Variants in ZCCHC7 observed in about 807,000 individuals in gnomAD.
The protein encoded by ZCCHC7 is zinc finger CCHC-type containing 7.
ZCCHC7 carries 35 observed loss-of-function variants against 52.0 expected under a neutral mutation model. That is an observed-to-expected ratio of 0.67 (90% CI 0.51 to 0.89). The LOEUF is 0.89. Ranked by LOEUF, ZCCHC7 falls within the 40% of genes least tolerant of loss-of-function variation. ZCCHC7 has a pLI of 0.00. For missense variants in ZCCHC7, 574 were observed against 649.1 expected (o/e 0.88, Z 1.26); for synonymous variants, 217 against 221.5 (o/e 0.98, Z 0.18).
intron 2 of ZCCHC7, among the ~76,000 whole-genome samples, chr9:37,206,916 A>G (rs1222872423): frequency 6.6e-6 from 1 of 151,840 alleles, no homozygotes; most frequent in Non-Finnish European, 1.5e-5. Context: ...TCTTGAGGCT[A>G]GGAGTTTGAT....
At chr9:37,250,611 T>C (rs1826285407) in intron 2 of ZCCHC7, among the ~76,000 whole-genome samples, 1 of 152,190 alleles carries the variant, frequency 6.6e-6, no homozygotes, top group Non-Finnish European at 1.5e-5. Flanking sequence ...CTCTCTTCTC[T>C]CTCTCTCACT....
At chr9:37,356,363 A>AG (rs768324645) in intron 8 of ZCCHC7, among the ~76,000 whole-genome samples, 1 of 152,238 alleles carries the variant, frequency 6.6e-6, no homozygotes, top group Non-Finnish European at 1.5e-5. Context: ...TCTACCCTGG[A>AG]GGAATAATCT....
intron 5 of ZCCHC7, among the ~76,000 whole-genome samples, chr9:37,323,389 GT>G (rs929828382): frequency 6.6e-5 from 10 of 152,294 alleles, no homozygotes; most frequent in Admixed American, 5.9e-4. Context: ...AAGCTTGTCA[GT>G]TTCCCTGATT....
chr9:37,327,750 A>T (rs201121006), intron 5 of ZCCHC7, 49 bp from the exon 6 acceptor site: 1 of 1,609,944 alleles, frequency 6.2e-7, no homozygotes, highest in African/African-American at 1.3e-5. Context: ...AACAGGCTGT[A>T]AAGTACCTTG....
At chr9:37,162,553 A>C (rs962650549) in intron 2 of ZCCHC7, among the ~76,000 whole-genome samples, 4 of 152,202 alleles carry the variant, frequency 2.6e-5, no homozygotes, top group African/African-American at 9.7e-5. Flanking sequence ...TTCATCCATA[A>C]AGTAGCAAGT....
chr9:37,183,740 A>T (rs1822493045), intron 2 of ZCCHC7, among the ~76,000 whole-genome samples: 1 of 152,224 alleles, frequency 6.6e-6, no homozygotes, highest in Non-Finnish European at 1.5e-5. Context: ...TCCTCCTCAC[A>T]TCAACAACCC....
chr9:37,199,632 C>T (rs1165405313), intron 2 of ZCCHC7, among the ~76,000 whole-genome samples: 1 of 148,262 alleles, frequency 6.7e-6, no homozygotes, highest in Non-Finnish European at 1.5e-5. Context: ...CGTGCCCAGC[C>T]CTACTGTTTC....
chr9:37,321,498 C>T (rs1021323189), intron 5 of ZCCHC7, among the ~76,000 whole-genome samples: 30 of 152,114 alleles, frequency 2.0e-4, no homozygotes, highest in African/African-American at 7.2e-4. Context: ...GGTGCCAAGG[C>T]TTATTCCTAT....
chr9:37,315,642 G>A (rs571764884), intron 5 of ZCCHC7, among the ~76,000 whole-genome samples: 3 of 151,540 alleles, frequency 2.0e-5, no homozygotes, highest in African/African-American at 7.3e-5. Flanking sequence ...GGAAGACATG[G>A]CTCAATTTTT....
At chr9:37,329,368 T>A (rs1484367775) in intron 6 of ZCCHC7, among the ~76,000 whole-genome samples, 1 of 151,808 alleles carries the variant, frequency 6.6e-6, no homozygotes, top group Admixed American at 6.6e-5. Flanking sequence ...AACATAAATT[T>A]TAAAAAGAAT....
intron 2 of ZCCHC7, among the ~76,000 whole-genome samples, chr9:37,273,275 G>T (rs1827516516): frequency 1.3e-5 from 2 of 152,124 alleles, no homozygotes; most frequent in Admixed American, 1.3e-4. Flanking sequence ...AGGCCGAGGT[G>T]GGCAGATCAC....
At chr9:37,262,417 T>G (rs1235896660) in intron 2 of ZCCHC7, among the ~76,000 whole-genome samples, 1 of 152,240 alleles carries the variant, frequency 6.6e-6, no homozygotes, top group Non-Finnish European at 1.5e-5. Flanking sequence ...TCAATAATTT[T>G]TCTTACTAGT....
intron 2 of ZCCHC7, among the ~76,000 whole-genome samples, chr9:37,148,113 T>C (rs1039725567): frequency 2.6e-4 from 40 of 152,272 alleles, no homozygotes; most frequent in African/African-American, 9.4e-4. Context: ...TGTAAGCTTT[T>C]GGTTTTCTGT....
chr9:37,164,568 AGAGAG>A (rs965696719), intron 2 of ZCCHC7, among the ~76,000 whole-genome samples: 3 of 152,006 alleles, frequency 2.0e-5, no homozygotes, highest in Non-Finnish European at 4.4e-5. Context: ...AGAAAAGAAA[AGAGAG>A]AAGAGAAAGA....
intron 2 of ZCCHC7, among the ~76,000 whole-genome samples, chr9:37,129,935 G>A (rs1321038592): frequency 6.6e-6 from 1 of 152,290 alleles, no homozygotes; most frequent in Non-Finnish European, 1.5e-5. Flanking sequence ...GTGACTTACA[G>A]TGGTAAAAGA....
intron 5 of ZCCHC7, among the ~76,000 whole-genome samples, chr9:37,308,570 A>T (rs1261318222): frequency 6.6e-6 from 1 of 152,160 alleles, no homozygotes; most frequent in African/African-American, 2.4e-5. Flanking sequence ...ATGTTAAATT[A>T]TTATCTAAAA....
intron 2 of ZCCHC7, among the ~76,000 whole-genome samples, chr9:37,253,065 A>G (rs1002495783): frequency 6.6e-6 from 1 of 152,150 alleles, no homozygotes; most frequent in Non-Finnish European, 1.5e-5. Flanking sequence ...CCCATAAATA[A>G]GAACATTTGT....
chr9:37,235,931 A>G (rs985554629), intron 2 of ZCCHC7, among the ~76,000 whole-genome samples: 2 of 151,846 alleles, frequency 1.3e-5, no homozygotes, highest in Non-Finnish European at 2.9e-5. Context: ...TTGTGTATCT[A>G]TATCACATTT....
chr9:37,298,662 G>A (rs528177540), intron 2 of ZCCHC7, among the ~76,000 whole-genome samples: 1 of 152,318 alleles, frequency 6.6e-6, no homozygotes, highest in South Asian at 2.1e-4. Context: ...AACATTTTGG[G>A]ATGATGGAAA....
Sources: allele counts gnomAD v4.1 joint callset (sites outside exome capture counted in the v4.1 genomes callset), GRCh38; gene constraint gnomAD v4.1.1; transcripts MANE v1.5; gene names NCBI Gene and HGNC (gene_info 2026-07-23, HGNC 2026-07-21).